ZMYM2: variants seen among roughly 807,000 people sequenced by gnomAD.
ZMYM2 encodes the protein zinc finger MYM-type protein 2.
In ZMYM2, 56 loss-of-function variants were observed where a neutral mutation model predicts 162.8. That is an observed-to-expected ratio of 0.34 (90% CI 0.28 to 0.43). The LOEUF (loss-of-function observed/expected upper bound fraction) is 0.43. Ranked by LOEUF, ZMYM2 falls within the 20% of genes least tolerant of loss-of-function variation. The probability of loss-of-function intolerance (pLI) is 1.00; values close to 1 mark genes in which losing one functional copy is unlikely to be tolerated. For missense variants in ZMYM2, 1,275 were observed against 1,621.8 expected (o/e 0.79, Z 3.67); for synonymous variants, 510 against 541.6 (o/e 0.94, Z 0.81).
At chr13:19,884,403 C>T in the ZMYM2 span, among the ~76,000 whole-genome samples, 35 of 152,114 alleles carry the variant, frequency 2.3e-4, no homozygotes, top group African/African-American at 7.2e-4. Flanking sequence ...GTATAACCCC[C>T]ATCTATGACT....
chr13:20,085,905 C>T lies in ZMYM2; in HGVS notation c.4025C>T (p.Thr1342Met), dbSNP rs758728168. ...TCTACAGATAGCCCTGTCTGGTATACGTCTACTTCACTGGACCGAAACACC... is the reference window on the plus strand; with the variant it reads ...TCTACAGATAGCCCTGTCTGGTATATGTCTACTTCACTGGACCGAAACACC... ...SSSTDSPVWYTSTSLDRNTLE... is the reference protein window; with the variant it reads ...SSSTDSPVWYMSTSLDRNTLE... The change falls in exon 25 of 25, where the codon ACG becomes ATG. Residue 1342 changes from threonine to methionine, a missense_variant. Physicochemically the swap from Thr to Met is moderately conservative, Grantham distance 81. This residue lies in a region of ZMYM2 where 69 missense variants were observed against 78.4 expected (regional missense o/e 0.88). Coordinates refer to ENST00000610343, the MANE Select transcript of ZMYM2 (RefSeq NM_197968.4). The T allele has an allele frequency of 9.9e-6, 16 of 1,613,720 alleles. No individual in the cohort carries two copies. The highest frequency in any genetic ancestry group is 1.7e-5 in the Admixed American group (1 of 60,004).
At chr13:19,971,262 A>ATTTTTTTTTTTT (rs67460005) in intron 2 of ZMYM2, among the ~76,000 whole-genome samples, 1 of 78,330 alleles carries the variant, frequency 1.3e-5, no homozygotes, top group African/African-American at 4.6e-5. Flanking sequence ...ATATATATAT[A>ATTTTTTTTTTTT]TTTTTTTTTT....
rs537381497 is a variant in ZMYM2, at chr13:20,030,398, A to ATTT, written c.1852-905_1852-903dup. Among the ~76,000 whole-genome samples, 226 of 115,144 alleles carry ATTT rather than the reference A, an allele frequency of 2.0e-3. 2 individuals carry two copies. Among genetic ancestry groups the ATTT allele is most frequent in the Middle Eastern group, 0.017 (3 of 178 alleles). The allele number at this position is 115,144 out of a possible 152,430, so 75.5% of individuals were successfully genotyped here. ...AGGCGTGCGCCACCATGCTCAGCTAATTTTTTTTTTTTTTTTTTGAGACGG... is the reference window on the plus strand; with the variant it reads ...AGGCGTGCGCCACCATGCTCAGCTAATTTTTTTTTTTTTTTTTTTTTGAGACGG... On this transcript the variant is annotated intron_variant, in intron 9 of 24. Transcript: ENST00000610343.
intron 2 of ZMYM2, among the ~76,000 whole-genome samples, chr13:19,978,557 C>T (rs1046142770): frequency 6.6e-6 from 1 of 152,008 alleles, no homozygotes; most frequent in African/African-American, 2.4e-5. Context: ...GCTGGGATTA[C>T]AGGCATGTGC....
chr13:20,040,790 C>T (rs1017248878), intron 12 of ZMYM2, among the ~76,000 whole-genome samples: 1 of 152,202 alleles, frequency 6.6e-6, no homozygotes, highest in African/African-American at 2.4e-5. Flanking sequence ...ACCAGAAATT[C>T]TGGTACGTTG....
the ZMYM2 span, among the ~76,000 whole-genome samples, chr13:19,879,928 G>T: frequency 6.6e-6 from 1 of 152,196 alleles, no homozygotes; most frequent in African/African-American, 2.4e-5. Flanking sequence ...TCTGTTGGAG[G>T]CCTTAATAAA....
intron 6 of ZMYM2, among the ~76,000 whole-genome samples, chr13:20,009,559 A>G (rs1951010352): frequency 6.6e-6 from 1 of 151,646 alleles, no homozygotes; most frequent in South Asian, 2.1e-4. Context: ...TTAGCCAATA[A>G]CTCCCATTTT....
chr13:19,936,019 C>A, the ZMYM2 span, among the ~76,000 whole-genome samples: 103 of 152,254 alleles, frequency 6.8e-4, no homozygotes, highest in Non-Finnish European at 7.1e-4. Flanking sequence ...AAAATTCTAA[C>A]CATGACTTGC....
chr13:20,050,635 C>T (rs1043880946), intron 12 of ZMYM2, among the ~76,000 whole-genome samples: 2 of 151,762 alleles, frequency 1.3e-5, no homozygotes, highest in African/African-American at 4.8e-5. Context: ...TTGGTCAAGA[C>T]GTTAAGAAAT....
intron 2 of ZMYM2, chr13:19,965,248 T>A (rs758462437): frequency 1.5e-6 from 2 of 1,301,714 alleles, no homozygotes; most frequent in South Asian, 1.2e-5. Flanking sequence ...CTCTCTGCCG[T>A]AGTCACCTGG....
At chr13:20,076,213 T>C (rs1385674221) in intron 21 of ZMYM2, among the ~76,000 whole-genome samples, 1 of 150,464 alleles carries the variant, frequency 6.6e-6, no homozygotes, top group East Asian at 1.9e-4. Flanking sequence ...TATCTCATTG[T>C]GTGCTATATC....
intron 16 of ZMYM2, among the ~76,000 whole-genome samples, chr13:20,060,090 C>CT (rs1195476620): frequency 1.3e-5 from 2 of 152,068 alleles, no homozygotes; most frequent in Non-Finnish European, 2.9e-5. Context: ...AGAAGGCTGA[C>CT]TGTAGGGGTG....
rs56664916 is a variant in ZMYM2 at position 20,075,670 on chromosome 13, C to CTTT, written c.3454-6316_3454-6314dup. Among the ~76,000 whole-genome samples the CTTT allele has an allele frequency of 1.2e-3, 92 of 75,712 alleles. 11 individuals are homozygous for CTTT. Among genetic ancestry groups the CTTT allele is most frequent in the African/African-American group, 4.6e-3 (85 of 18,446 alleles). 49.7% of individuals were successfully genotyped at this position (75,712 alleles called of 152,430 possible). ...TTATTATGAATAGAACTATAGACAC[C>CTTT]TTTTTTTTTTTTTTTTTTTTTTTTT... On this transcript the variant is annotated intron_variant, in intron 21 of 24. Transcript: ENST00000610343.
At chr13:20,066,686 GCAGGCACACAGAAAAACA>G (rs2140881524) in intron 19 of ZMYM2, 147 bp from the exon 20 acceptor site, 1 of 538,848 alleles carries the variant, frequency 1.9e-6, no homozygotes, top group African/African-American at 2.0e-5. Context: ...GGTTGGAGAG[GCAGGCACACAGAAAAACA>G]TACGTGTCCA....
intron 2 of ZMYM2, among the ~76,000 whole-genome samples, chr13:19,963,735 T>C (rs1955489954): frequency 1.3e-5 from 2 of 152,150 alleles, no homozygotes; most frequent in Non-Finnish European, 2.9e-5. Flanking sequence ...TTTGTGCATA[T>C]TTAAGATATA....
chr13:19,921,740 C>T, the ZMYM2 span, among the ~76,000 whole-genome samples: 3 of 152,014 alleles, frequency 2.0e-5, no homozygotes, highest in African/African-American at 7.3e-5. Context: ...CACAACTTGA[C>T]CAAATTTTGT....
intron 3 of ZMYM2, among the ~76,000 whole-genome samples, chr13:19,997,511 GTGTA>G (rs1004215591): frequency 2.0e-5 from 3 of 152,102 alleles, no homozygotes; most frequent in Admixed American, 1.3e-4. Context: ...GTAGAAGTGT[GTGTA>G]TGTGTGTATG....
chr13:20,061,812 C>T (rs2140791736), intron 17 of ZMYM2, among the ~76,000 whole-genome samples: 1 of 152,252 alleles, frequency 6.6e-6, no homozygotes, highest in South Asian at 2.1e-4. Context: ...TGATCTCAAA[C>T]TCCTGACCTC....
At chr13:19,863,971 C>T in the ZMYM2 span, 1 of 151,878 alleles carries the variant, frequency 6.6e-6, no homozygotes, top group Non-Finnish European at 1.5e-5. Context: ...CCCGCTTCGG[C>T]CCCTCGGGGC....
Sources: allele counts gnomAD v4.1 joint callset (sites outside exome capture counted in the v4.1 genomes callset), GRCh38; gene constraint gnomAD v4.1.1; regional missense constraint gnomAD v4.1.1; transcripts MANE v1.5; gene names NCBI Gene and HGNC (gene_info 2026-07-23, HGNC 2026-07-21).